The following SAMD12 variants were observed in gnomAD, a reference collection of about 807,000 sequenced individuals.
SAMD12 encodes sterile alpha motif domain containing 12.
A neutral mutation model predicts 15.0 loss-of-function variants in SAMD12; 9 were observed. That is an observed-to-expected ratio of 0.60 (90% CI 0.36 to 1.05). The LOEUF (loss-of-function observed/expected upper bound fraction) is 1.05. Ranked by LOEUF, SAMD12 falls within the 50% of genes least tolerant of loss-of-function variation. The pLI is 0.01. For synonymous variants in SAMD12, 86 were observed against 90.1 expected (o/e 0.96, Z 0.25); for missense variants, 230 against 234.2 (o/e 0.98, Z 0.12).
chr8:118,174,971 T>C, the SAMD12 span, among the ~76,000 whole-genome samples: 1 of 151,560 alleles, frequency 6.6e-6, no homozygotes, highest in Non-Finnish European at 1.5e-5. Flanking sequence ...GAACAGGATC[T>C]TTACCTGTGT....
chr8:118,520,806 G>C (rs1468532632), intron 2 of SAMD12, among the ~76,000 whole-genome samples: 4 of 152,042 alleles, frequency 2.6e-5, no homozygotes, highest in Non-Finnish European at 5.9e-5. Context: ...GATTTAGAAA[G>C]GAGAAGAGTA....
chr8:118,401,541 CTTT>C (rs3884378), intron 3 of SAMD12, among the ~76,000 whole-genome samples: 3 of 140,244 alleles, frequency 2.1e-5, no homozygotes. Context: ...CCTTCTTCTT[CTTT>C]TTTTTTTTTT....
chr8:118,440,340 G>A (rs1047074203), intron 2 of SAMD12, among the ~76,000 whole-genome samples: 1 of 152,192 alleles, frequency 6.6e-6, no homozygotes, highest in South Asian at 2.1e-4. Context: ...TTTATCTCTC[G>A]CTGTCCCTGA....
At chr8:118,384,299 T>C (rs1303630538) in intron 3 of SAMD12, among the ~76,000 whole-genome samples, 1 of 152,076 alleles carries the variant, frequency 6.6e-6, no homozygotes. Context: ...TATGGAAAGT[T>C]TTGAGCAAGG....
chr8:118,165,637 C>CGTATATATGT, the SAMD12 span, among the ~76,000 whole-genome samples: 2 of 102,260 alleles, frequency 2.0e-5, no homozygotes, highest in African/African-American at 8.0e-5. Context: ...TATATATATA[C>CGTATATATGT]ATATATATAT....
At chr8:118,286,870 T>A (rs539808699) in intron 4 of SAMD12, among the ~76,000 whole-genome samples, 1 of 152,290 alleles carries the variant, frequency 6.6e-6, no homozygotes, top group East Asian at 1.9e-4. Context: ...GGGAATTTCA[T>A]CTGAAATCAC....
intron 4 of SAMD12, among the ~76,000 whole-genome samples, chr8:118,336,939 T>C (rs1450458712): frequency 1.3e-5 from 2 of 152,214 alleles, no homozygotes; most frequent in Non-Finnish European, 2.9e-5. Flanking sequence ...CATGTTCTCA[T>C]TCATAGGTAG....
At chr8:118,513,697 A>G (rs778294514) in intron 2 of SAMD12, among the ~76,000 whole-genome samples, 19 of 152,246 alleles carry the variant, frequency 1.2e-4, no homozygotes, top group Non-Finnish European at 2.8e-4. Context: ...GGGTGGATGT[A>G]GTGGTGACAG....
chr8:118,387,886 G>C (rs1255549955), intron 3 of SAMD12, among the ~76,000 whole-genome samples: 3 of 152,146 alleles, frequency 2.0e-5, no homozygotes, highest in African/African-American at 7.2e-5. Context: ...TCACTTGGTG[G>C]AGAACGACAG....
At chr8:118,612,006 C>G (rs1375418692) in intron 1 of SAMD12, among the ~76,000 whole-genome samples, 3 of 152,120 alleles carry the variant, frequency 2.0e-5, no homozygotes, top group Non-Finnish European at 2.9e-5. Context: ...AGTTCTAAAT[C>G]AGAATCACAC....
intron 2 of SAMD12, among the ~76,000 whole-genome samples, chr8:118,529,407 T>G (rs757865400): frequency 1.1e-4 from 16 of 152,354 alleles, no homozygotes; most frequent in Non-Finnish European, 1.9e-4. Context: ...TTTCTATTTT[T>G]AGACATTTAG....
intron 1 of SAMD12, among the ~76,000 whole-genome samples, chr8:118,604,415 G>C (rs1348683126): frequency 6.6e-6 from 1 of 152,114 alleles, no homozygotes; most frequent in Non-Finnish European, 1.5e-5. Context: ...AAATATAGTG[G>C]TTGAATGTAA....
rs1369555436 is a variant in SAMD12, at chr8:118,434,902, C to T, written c.322+4930G>A. 1.4e-4 allele frequency among the ~76,000 whole-genome samples: 4 copies of T among 28,842 alleles called. 1 individual carries two copies. Among genetic ancestry groups the T allele is most frequent in the African/African-American group, 3.1e-4 (4 of 12,814 alleles). The allele number at this position is 28,842 out of a possible 152,430, so 18.9% of individuals were successfully genotyped here. ...GATCACGAGGTCAGGAGATCGAGAC[C>T]ATCCCGGCTAAAAAAACGGTGAAAC... On this transcript the variant is annotated intron_variant, in intron 3 of 3. Transcript: ENST00000314727.
chr8:118,550,917 C>CA (rs1327764732), intron 2 of SAMD12, among the ~76,000 whole-genome samples: 8 of 149,814 alleles, frequency 5.3e-5, no homozygotes, highest in Non-Finnish European at 1.0e-4. Context: ...CAACAAAGAT[C>CA]AAAAGAGACA....
intron 3 of SAMD12, chr8:118,400,418 A>G (rs1820812150): frequency 6.6e-6 from 1 of 152,240 alleles, no homozygotes; most frequent in South Asian, 2.1e-4. Context: ...CATGATTTTA[A>G]GAAACTTTCT....
At chr8:118,482,829 C>T (rs1257990515) in intron 2 of SAMD12, among the ~76,000 whole-genome samples, 1 of 152,166 alleles carries the variant, frequency 6.6e-6, no homozygotes, top group Non-Finnish European at 1.5e-5. Context: ...CATTCGGATG[C>T]TTTTGCAATA....
chr8:118,381,917 C>T (rs76178275), intron 3 of SAMD12, among the ~76,000 whole-genome samples: 1,981 of 152,264 alleles, frequency 0.013, 41 homozygotes, highest in African/African-American at 0.043. Context: ...TTCCTTTCCC[C>T]ATTTCTGGCT....
intron 4 of SAMD12, among the ~76,000 whole-genome samples, chr8:118,209,166 T>C (rs182704678): frequency 1.3e-5 from 2 of 152,336 alleles, no homozygotes; most frequent in African/African-American, 4.8e-5. Context: ...TGTGGGTTCT[T>C]GCCCTTTGGT....
chr8:118,511,260 G>C (rs1403548351), intron 2 of SAMD12, among the ~76,000 whole-genome samples: 1 of 152,300 alleles, frequency 6.6e-6, no homozygotes, highest in East Asian at 1.9e-4. Flanking sequence ...GGGGAAGAAA[G>C]ATCGATTCTT....
Sources: allele counts gnomAD v4.1 joint callset (sites outside exome capture counted in the v4.1 genomes callset), GRCh38; gene constraint gnomAD v4.1.1; transcripts MANE v1.5; gene names NCBI Gene and HGNC (gene_info 2026-07-23, HGNC 2026-07-21).